The following CADPS variants were observed in gnomAD, a reference collection of about 807,000 sequenced individuals.
CADPS encodes calcium dependent secretion activator.
Under a neutral mutation model 167.3 loss-of-function variants are expected in CADPS, and 57 were observed. The observed-to-expected ratio is 0.34, with a 90% CI of 0.28 to 0.42. The LOEUF is 0.42. Among genes scored for constraint, CADPS ranks in the 20% least tolerant of loss-of-function variants. The pLI is 1.00. For missense variants in CADPS, 1,414 were observed against 1,738.1 expected (o/e 0.81, Z 3.32); for synonymous variants, 676 against 635.3 (o/e 1.06, Z -0.96).
intron 6 of CADPS, among the ~76,000 whole-genome samples, chr3:62,596,097 ACACACACACACAC>A (rs2058886730): frequency 2.9e-4 from 2 of 6,870 alleles, no homozygotes; most frequent in Admixed American, 2.3e-3. Flanking sequence ...ATACACACAC[ACACACACACACAC>A]ACACACACAC....
At chr3:62,525,211 C>T (rs777840337) in intron 13 of CADPS, among the ~76,000 whole-genome samples, 7 of 151,928 alleles carry the variant, frequency 4.6e-5, no homozygotes, top group Middle Eastern at 3.4e-3. Flanking sequence ...TTTCATGTCT[C>T]GATGGGAGAA....
At position 62,602,446 on chromosome 3, in the gene CADPS, G is replaced by A. The variant is rs1302266865; in HGVS notation, c.1326-9698C>T. On this transcript the variant is annotated intron_variant, in intron 6 of 29. Transcript: ENST00000383710. This position sits in a 1 kb window ranked among gnomAD's most constrained non-coding sequence, Gnocchi z 4.4. ...TAACAAGAGAGAAGTGTCATTTCAA[G>A]GAATGAAAGTGCCGTGGTCCTGTTG... Among the ~76,000 whole-genome samples the A allele has an allele frequency of 6.6e-6, 1 of 152,130 alleles. No homozygotes were observed. The highest frequency in any genetic ancestry group is 2.4e-5 in the African/African-American group (1 of 41,440).
intron 23 of CADPS, among the ~76,000 whole-genome samples, chr3:62,474,923 G>A (rs2061078977): frequency 6.6e-6 from 1 of 152,132 alleles, no homozygotes; most frequent in Non-Finnish European, 1.5e-5. Context: ...AGCTGTTAAA[G>A]ATGGCTACCT....
At chr3:62,615,597 A>G (rs1320811203) in intron 6 of CADPS, among the ~76,000 whole-genome samples, 1 of 152,136 alleles carries the variant, frequency 6.6e-6, no homozygotes, top group African/African-American at 2.4e-5. Context: ...CCCGGTTTAC[A>G]CTCAGTTTCT....
At chr3:62,579,765 T>A (rs1037503455) in intron 8 of CADPS, among the ~76,000 whole-genome samples, 3 of 152,054 alleles carry the variant, frequency 2.0e-5, no homozygotes, top group African/African-American at 4.8e-5. Flanking sequence ...AGATGGGGAA[T>A]CATTGGAGGT....
chr3:62,833,088 G>T (rs1317492462), intron 1 of CADPS, among the ~76,000 whole-genome samples: 2 of 152,088 alleles, frequency 1.3e-5, no homozygotes, highest in African/African-American at 4.8e-5. Flanking sequence ...TTTAATGACT[G>T]GCTTTAGAGA....
intron 1 of CADPS, among the ~76,000 whole-genome samples, chr3:62,831,070 ACC>A (rs1421450406): frequency 6.6e-6 from 1 of 152,178 alleles, no homozygotes; most frequent in Admixed American, 6.5e-5. Flanking sequence ...ATAATAAATC[ACC>A]ACCACTTTAA....
chr3:62,870,861 T>C (rs186532544), intron 1 of CADPS, among the ~76,000 whole-genome samples: 1 of 152,312 alleles, frequency 6.6e-6, no homozygotes, highest in East Asian at 1.9e-4. Flanking sequence ...CTACATAGTT[T>C]AGAAACATAT....
intron 16 of CADPS, chr3:62,513,833 C>T: frequency 4.8e-6 from 3 of 627,364 alleles, no homozygotes; most frequent in East Asian, 2.8e-5. Context: ...GGGATAAACA[C>T]AGGATAAAAG....
At position 62,512,730 on chromosome 3, in the gene CADPS, A is replaced by C. The variant is rs1297690664; in HGVS notation, c.2599+21T>G. 7 of 1,588,054 alleles carry C rather than the reference A, an allele frequency of 4.4e-6. No homozygotes were observed. In the South Asian group the frequency reaches 7.9e-5, roughly 18 times the overall value. ...AACTCAACAGTCCTGATAATTTATA[A>C]TGCATATACAATTGGTTCACCTGCA... On this transcript the variant is annotated intron_variant, in intron 17 of 29. Transcript: ENST00000383710.
rs2057849591 is a variant in CADPS, at chr3:62,450,301, G to A, written c.3637-4504C>T. Among the ~76,000 whole-genome samples the A allele has an allele frequency of 2.0e-5, 3 of 152,184 alleles. No homozygotes were observed. In the South Asian group the frequency reaches 6.2e-4, roughly 32 times the overall value. On this transcript the variant is annotated intron_variant, in intron 26 of 29. Coordinates refer to ENST00000383710, the MANE Select transcript of CADPS (RefSeq NM_003716.4). The stretch of plus-strand genomic sequence containing the variant: ...CTTTGCTAAGTATGACTGAGTGTGG[G>A]CATAAGTGAGAGGGCAGTTCCCCAG...
intron 9 of CADPS, among the ~76,000 whole-genome samples, chr3:62,558,072 C>T (rs943883239): frequency 3.9e-5 from 6 of 152,230 alleles, no homozygotes; most frequent in Admixed American, 6.5e-5. Context: ...CATCAAACTA[C>T]ATGTTTTGTC....
chr3:62,476,269 C>T (rs2061315137), intron 23 of CADPS, among the ~76,000 whole-genome samples: 1 of 152,112 alleles, frequency 6.6e-6, no homozygotes, highest in African/African-American at 2.4e-5. Context: ...ATCTGTTCTA[C>T]CAAGGAGAAC....
At position 62,863,858 on chromosome 3, in the gene CADPS, A is replaced by T. The variant is rs148971310; in HGVS notation, c.441+10731T>A. Among the ~76,000 whole-genome samples, 1,090 of 152,314 alleles carry T rather than the reference A, an allele frequency of 7.2e-3. 16 individuals carry two copies. Among genetic ancestry groups the T allele is most frequent in the African/African-American group, 0.025 (1,048 of 41,558 alleles). On this transcript the variant is annotated intron_variant, in intron 1 of 29. Coordinates refer to ENST00000383710, the MANE Select transcript of CADPS (RefSeq NM_003716.4). ...GCCAGCTCAGTTATATGGTAGCGCC[A>T]CTGGGTGGCCATTCACAGAGTTAGA...
In CADPS at chr3:62,602,402, T is replaced by TA; in HGVS notation, c.1326-9655dup. Among the ~76,000 whole-genome samples the TA allele has an allele frequency of 6.6e-6, 1 of 152,138 alleles. No homozygotes were observed. The highest frequency in any genetic ancestry group is 1.9e-4 in the East Asian group (1 of 5,196). ...CTGGGTGTTAAATTGGTGCGGTTCA[T>TA]AAAATTAACTGTGGGCTTTAACAAG... On this transcript the variant is annotated intron_variant, in intron 6 of 29. Coordinates refer to ENST00000383710, the MANE Select transcript of CADPS (RefSeq NM_003716.4). The surrounding 1 kb of genome is among the most constrained non-coding windows in gnomAD (Gnocchi z 4.4).
intron 1 of CADPS, among the ~76,000 whole-genome samples, chr3:62,840,613 G>A (rs188935102): frequency 6.2e-4 from 95 of 152,146 alleles, no homozygotes; most frequent in Non-Finnish European, 1.2e-3. Context: ...GCTTAAAATT[G>A]TGCAAACTTT....
chr3:62,667,041 T>G (rs2074566453), intron 3 of CADPS, among the ~76,000 whole-genome samples: 1 of 151,052 alleles, frequency 6.6e-6, no homozygotes, highest in African/African-American at 2.4e-5. Flanking sequence ...AATCTTGTTT[T>G]TTTTTTTTTT....
chr3:62,470,532 T>C (rs1382647856), intron 24 of CADPS: 1 of 152,232 alleles, frequency 6.6e-6, no homozygotes, highest in Non-Finnish European at 1.5e-5. Context: ...TGACTTTCCA[T>C]TGAAGTTCTG....
chr3:62,589,448 G>A (rs995530416), intron 7 of CADPS, among the ~76,000 whole-genome samples: 3 of 152,270 alleles, frequency 2.0e-5, no homozygotes, highest in Non-Finnish European at 4.4e-5. Context: ...GTGTGGGGCT[G>A]TGGCAAGCCC....
Sources: allele counts gnomAD v4.1 joint callset (sites outside exome capture counted in the v4.1 genomes callset), GRCh38; gene constraint gnomAD v4.1.1; non-coding constraint Gnocchi (gnomAD v3.1); transcripts MANE v1.5; gene names NCBI Gene and HGNC (gene_info 2026-07-23, HGNC 2026-07-21).